The following NRXN3 variants were observed in gnomAD, a reference collection of about 807,000 sequenced individuals.
NRXN3 encodes neurexin 3.
In NRXN3, 32 loss-of-function variants were observed where a neutral mutation model predicts 137.6. The ratio of observed to expected loss-of-function variants is 0.23; its 90% confidence interval spans 0.18 to 0.31. NRXN3 has a LOEUF of 0.31. Among genes scored for constraint, NRXN3 ranks in the 10% least tolerant of loss-of-function variants. The pLI, the probability that NRXN3 is intolerant of heterozygous loss-of-function variation, is 1.00. For synonymous variants in NRXN3, 798 were observed against 784.5 expected, an observed-to-expected ratio of 1.02 and a Z score of -0.29; for missense variants, 1,574 against 2,062.5, an observed-to-expected ratio of 0.76 and a Z score of 4.59.
chr14:79,005,779 C>CT (rs146760382), intron 15 of NRXN3, among the ~76,000 whole-genome samples: 7,144 of 151,460 alleles, frequency 0.047, 614 homozygotes, highest in African/African-American at 0.17. Flanking sequence ...CTGTGTGTGA[C>CT]TTTTTTTTTC....
At chr14:78,706,785 TAGTG>T (rs1334358229) in intron 6 of NRXN3, among the ~76,000 whole-genome samples, 1 of 152,248 alleles carries the variant, frequency 6.6e-6, no homozygotes, top group African/African-American at 2.4e-5. Context: ...GGTTACATAA[TAGTG>T]AGTCATTTTC....
At chr14:79,222,391 C>T (rs1004181156) in intron 15 of NRXN3, among the ~76,000 whole-genome samples, 17 of 152,122 alleles carry the variant, frequency 1.1e-4, no homozygotes, top group African/African-American at 3.9e-4. Flanking sequence ...GTTCCCTTGT[C>T]TGGATGTACC....
chr14:78,789,829 CCTT>C (rs375709441), intron 8 of NRXN3, among the ~76,000 whole-genome samples: 6 of 152,080 alleles, frequency 3.9e-5, no homozygotes, highest in South Asian at 2.1e-4. Flanking sequence ...TTACAGGTCT[CCTT>C]CTTCTTAATT....
chr14:79,065,380 C>G (rs9652377), intron 15 of NRXN3, among the ~76,000 whole-genome samples: 6,457 of 152,114 alleles, frequency 0.042, 504 homozygotes, highest in African/African-American at 0.15. Context: ...TGCGGAAAAT[C>G]AAGGTTGCTG....
chr14:78,203,255 C>A (rs1177980543), intron 1 of NRXN3, among the ~76,000 whole-genome samples: 1 of 152,324 alleles, frequency 6.6e-6, no homozygotes, highest in Non-Finnish European at 1.5e-5. Context: ...TGTTTCACCC[C>A]CAACCCCCAT....
At chr14:79,208,718 T>C (rs574353055) in intron 15 of NRXN3, among the ~76,000 whole-genome samples, 6 of 152,290 alleles carry the variant, frequency 3.9e-5, no homozygotes, top group Non-Finnish European at 7.3e-5. Flanking sequence ...TATTTTTCAA[T>C]TTCTATTATG....
intron 19 of NRXN3, among the ~76,000 whole-genome samples, chr14:79,719,925 T>C (rs2098838324): frequency 6.6e-6 from 1 of 152,174 alleles, no homozygotes; most frequent in Admixed American, 6.5e-5. Context: ...TGTTGCATAG[T>C]GACCTTTCAA....
At chr14:79,593,501 G>A (rs1469608989) in intron 16 of NRXN3, among the ~76,000 whole-genome samples, 1 of 151,822 alleles carries the variant, frequency 6.6e-6, no homozygotes, top group Non-Finnish European at 1.5e-5. Context: ...CGTGGTGGCG[G>A]GCGCCTGTAG....
Position 79,665,190 on chromosome 14 carries a change from C to T in NRXN3, c.3616+1241C>T, listed in dbSNP as rs569378264. On this transcript the variant is annotated intron_variant, in intron 17 of 20. Coordinates refer to ENST00000335750, the MANE Select transcript of NRXN3 (RefSeq NM_001330195.2). The stretch of plus-strand genomic sequence containing the variant: ...GGTTGTTCCCTAACTGCTAGAGTCC[C>T]GCTATATCTGTTTAAGAATTGTAAG... Among the ~76,000 whole-genome samples, 22 of 152,144 alleles carry T rather than the reference C, an allele frequency of 1.4e-4. No homozygotes were observed. The South Asian group carries it at 3.1e-3, about 22-fold the overall frequency.
intron 1 of NRXN3, among the ~76,000 whole-genome samples, chr14:78,226,740 T>C (rs951450372): frequency 6.6e-6 from 1 of 152,164 alleles, no homozygotes; most frequent in Non-Finnish European, 1.5e-5. Context: ...GACTTTTTAA[T>C]TAAAAAAAAA....
chr14:78,974,052 T>A (rs1047855017), intron 14 of NRXN3, among the ~76,000 whole-genome samples: 16 of 152,104 alleles, frequency 1.1e-4, no homozygotes, highest in African/African-American at 3.6e-4. Flanking sequence ...TATATTTTAA[T>A]ATATATTTAA....
chr14:79,132,760 G>A (rs2057720652), intron 15 of NRXN3, among the ~76,000 whole-genome samples: 1 of 152,200 alleles, frequency 6.6e-6, no homozygotes, highest in Admixed American at 6.5e-5. Context: ...CTGAGATTGA[G>A]TTTAGCATGC....
Position 78,243,480 on chromosome 14 carries a change from C to A in NRXN3, c.387C>A (p.Gly129=), listed in dbSNP as rs1274664213. The change falls in exon 2 of 21, where the codon GGC becomes GGA. Residue 129 remains glycine, a synonymous_variant. Coordinates refer to ENST00000335750, the MANE Select transcript of NRXN3 (RefSeq NM_001330195.2). This position sits in a 1 kb window ranked among gnomAD's most constrained non-coding sequence, Gnocchi z 4.2. ...CGGTGCTGATGCTTGATGGCGAGGG[C>A]CAGTCTGGGGAGCTGCAGCCCCAGC... is the stretch of plus-strand genomic sequence containing the variant. ...LRTVLMLDGE[G]QSGELQPQRP... The A allele has an allele frequency of 3.1e-6, 5 of 1,587,352 alleles. No homozygotes were observed. The highest frequency in any genetic ancestry group is 3.4e-6 in the Non-Finnish European group (4 of 1,174,650).
intron 15 of NRXN3, among the ~76,000 whole-genome samples, chr14:79,323,186 A>G (rs958244445): frequency 4.6e-5 from 7 of 152,148 alleles, no homozygotes; most frequent in Non-Finnish European, 1.0e-4. Flanking sequence ...GGTGCATGCA[A>G]CCATGCCCCA....
At chr14:79,022,254 G>A (rs1000149067) in intron 15 of NRXN3, among the ~76,000 whole-genome samples, 4 of 152,116 alleles carry the variant, frequency 2.6e-5, no homozygotes, top group Non-Finnish European at 5.9e-5. Flanking sequence ...TTTACTGCAA[G>A]CTTTTGGAAG....
At chr14:79,603,694 A>G (rs2097957066) in intron 16 of NRXN3, among the ~76,000 whole-genome samples, 1 of 151,730 alleles carries the variant, frequency 6.6e-6, no homozygotes, top group African/African-American at 2.4e-5. Flanking sequence ...CAGAAAAGGT[A>G]GTCAATAAAT....
At chr14:79,738,971 G>C (rs2098951517) in intron 19 of NRXN3, among the ~76,000 whole-genome samples, 1 of 152,212 alleles carries the variant, frequency 6.6e-6, no homozygotes, top group Admixed American at 6.5e-5. Flanking sequence ...AGTACATAAA[G>C]TGGAAATAAA....
chr14:79,186,482 T>C (rs1244278839), intron 15 of NRXN3, among the ~76,000 whole-genome samples: 1 of 152,166 alleles, frequency 6.6e-6, no homozygotes, highest in African/African-American at 2.4e-5. Context: ...GATACATGTC[T>C]GAAAACCCAA....
At chr14:79,533,233 A>G (rs968612293) in intron 16 of NRXN3, among the ~76,000 whole-genome samples, 11 of 152,288 alleles carry the variant, frequency 7.2e-5, no homozygotes, top group African/African-American at 2.6e-4. Context: ...CTCATGATGC[A>G]TGGCTAGTTA....
Sources: gnomAD v4.1 joint callset for allele counts (sites outside exome capture counted in the v4.1 genomes callset) on GRCh38, gnomAD v4.1.1 for gene constraint, Gnocchi (gnomAD v3.1) non-coding constraint, MANE v1.5 for transcripts, NCBI Gene and HGNC (gene_info 2026-07-23, HGNC 2026-07-21) for gene names.